The following CNTN3 variants were observed in gnomAD, a reference collection of about 807,000 sequenced individuals.
CNTN3 encodes the protein contactin-3.
A neutral mutation model predicts 119.1 loss-of-function variants in CNTN3; 60 were observed. The ratio of observed to expected loss-of-function variants is 0.50; its 90% confidence interval spans 0.41 to 0.62. The LOEUF (loss-of-function observed/expected upper bound fraction) is 0.62. Ranked by LOEUF, CNTN3 falls within the 20% of genes least tolerant of loss-of-function variation. The pLI, the probability that CNTN3 is intolerant of heterozygous loss-of-function variation, is 0.00. For synonymous variants in CNTN3, 450 were observed against 438.7 expected (o/e 1.03, Z -0.32); for missense variants, 1,101 against 1,242.4 (o/e 0.89, Z 1.71).
At chr3:74,547,570 TC>T (rs1703933235) in intron 1 of CNTN3, among the ~76,000 whole-genome samples, 1 of 152,216 alleles carries the variant, frequency 6.6e-6, no homozygotes, top group South Asian at 2.1e-4. Context: ...AATTTGAGCA[TC>T]TTTTTACACA....
At chr3:74,544,511 C>A (rs59741976) in intron 1 of CNTN3, among the ~76,000 whole-genome samples, 2 of 152,014 alleles carry the variant, frequency 1.3e-5, no homozygotes, top group Non-Finnish European at 2.9e-5. Context: ...CCCTCCTCCC[C>A]ACTTGGACTA....
chr3:74,414,621 C>T (rs773167792), intron 5 of CNTN3, among the ~76,000 whole-genome samples: 40 of 152,058 alleles, frequency 2.6e-4, no homozygotes, highest in Non-Finnish European at 4.7e-4. Flanking sequence ...TAAACAAGCC[C>T]CCTAAATGAG....
intron 4 of CNTN3, among the ~76,000 whole-genome samples, chr3:74,466,175 T>C (rs115588288): frequency 0.024 from 3,645 of 152,102 alleles, 142 homozygotes; most frequent in African/African-American, 0.081. Flanking sequence ...GTGAGTTTAG[T>C]GGGAGGGCAA....
At chr3:74,321,512 T>C (rs571763352) in intron 13 of CNTN3, among the ~76,000 whole-genome samples, 2 of 151,362 alleles carry the variant, frequency 1.3e-5, no homozygotes, top group Admixed American at 6.6e-5. Flanking sequence ...ACTGGAAAAA[T>C]AGAGCAAATC....
chr3:74,409,033 G>T (rs534388825), intron 5 of CNTN3, among the ~76,000 whole-genome samples: 2 of 152,264 alleles, frequency 1.3e-5, no homozygotes, highest in Non-Finnish European at 2.9e-5. Context: ...TCCACGAAGA[G>T]CCTTGCATAT....
At chr3:74,325,656 G>A (rs1190476307) in intron 13 of CNTN3, among the ~76,000 whole-genome samples, 2 of 152,238 alleles carry the variant, frequency 1.3e-5, no homozygotes, top group East Asian at 3.9e-4. Context: ...CAGTAGTAAT[G>A]ACCCAAAAGA....
At chr3:74,381,059 T>C (rs1214394403) in intron 5 of CNTN3, among the ~76,000 whole-genome samples, 2 of 151,262 alleles carry the variant, frequency 1.3e-5, no homozygotes, top group African/African-American at 4.9e-5. Context: ...AATTGTTTTT[T>C]TTTTTCTCTC....
rs140698284 is a variant in CNTN3, at chr3:74,599,780, G to A, written c.-81+14611C>T. ...CCTGACCAAGCCTTCCAACATCAAT[G>A]GGGCAGAGAAGATGCACCCTCTCCC... On this transcript the variant is annotated intron_variant, in intron 1 of 22. Coordinates refer to ENST00000263665, the MANE Select transcript of CNTN3 (RefSeq NM_020872.3). 1.4e-4 allele frequency among the ~76,000 whole-genome samples: 21 copies of A among 152,158 alleles called. 1 individual carries two copies. The highest frequency in any genetic ancestry group is 6.8e-3 in the Middle Eastern group (2 of 294).
chr3:74,590,334 A>T (rs1431332067), intron 1 of CNTN3, among the ~76,000 whole-genome samples: 3 of 152,062 alleles, frequency 2.0e-5, no homozygotes. Context: ...GGAAAAGTAA[A>T]GTAAACATAT....
intron 4 of CNTN3, among the ~76,000 whole-genome samples, chr3:74,451,144 T>C (rs890436826): frequency 1.3e-5 from 2 of 152,090 alleles, no homozygotes; most frequent in African/African-American, 4.8e-5. Context: ...TGTCAAAGTG[T>C]TCCTATTTCT....
intron 11 of CNTN3, among the ~76,000 whole-genome samples, chr3:74,354,751 C>A (rs1240288882): frequency 6.6e-6 from 1 of 151,892 alleles, no homozygotes; most frequent in Non-Finnish European, 1.5e-5. Context: ...AAAAGAAAAA[C>A]CTTTACTCAA....
chr3:74,297,680 T>C (rs1398727030), intron 18 of CNTN3, among the ~76,000 whole-genome samples: 1 of 152,218 alleles, frequency 6.6e-6, no homozygotes, highest in African/African-American at 2.4e-5. Context: ...CTTGCATGAC[T>C]TGGCTTTCAG....
At chr3:74,590,994 T>C (rs990694264) in intron 1 of CNTN3, among the ~76,000 whole-genome samples, 1 of 151,976 alleles carries the variant, frequency 6.6e-6, no homozygotes, top group Non-Finnish European at 1.5e-5. Flanking sequence ...ACTCAGATAT[T>C]TAGCTGACTA....
rs1235062457 is a variant in CNTN3, at chr3:74,396,323, A to T, written c.455-24924T>A. On this transcript the variant is annotated intron_variant, in intron 5 of 22. Coordinates refer to ENST00000263665, the MANE Select transcript of CNTN3 (RefSeq NM_020872.3). ...ATGCAGAAGAAAAGTTCTTGAAGAA[A>T]ATTAAAGGTGCTACTCCAGTAAGCA... Among the ~76,000 whole-genome samples the T allele has an allele frequency of 2.6e-5, 4 of 152,220 alleles. No homozygotes were observed. In the East Asian group the frequency reaches 7.7e-4, roughly 29 times the overall value.
chr3:74,594,273 C>CTTTTTTTTTTTTTTTTTTTTTTTTTTT (rs59436860), intron 1 of CNTN3, among the ~76,000 whole-genome samples: 1 of 112,088 alleles, frequency 8.9e-6, no homozygotes, highest in African/African-American at 3.0e-5. Context: ...TTCTTTTTTT[C>CTTTTTTTTTTTTTTTTTTTTTTTTTTT]TTTTTTTTTT....
At chr3:74,602,757 C>G (rs1704932232) in intron 1 of CNTN3, among the ~76,000 whole-genome samples, 1 of 152,108 alleles carries the variant, frequency 6.6e-6, no homozygotes, top group Non-Finnish European at 1.5e-5. Flanking sequence ...CTTACCTCCC[C>G]TTCCTTAATT....
At chr3:74,507,971 C>T (rs1435928564) in intron 2 of CNTN3, among the ~76,000 whole-genome samples, 1 of 152,126 alleles carries the variant, frequency 6.6e-6, no homozygotes, top group African/African-American at 2.4e-5. Flanking sequence ...TGATTTTATA[C>T]TTCCAGACTA....
At position 74,266,716 on chromosome 3, in the gene CNTN3, T is replaced by C; in HGVS notation, c.2818-67A>G. The C allele has an allele frequency of 2.1e-6, 3 of 1,450,230 alleles. No homozygotes were observed. The East Asian group carries it at 6.9e-5, about 33-fold the overall frequency. 89.8% of individuals were successfully genotyped at this position (1,450,230 alleles called of 1,614,324 possible). A position where few individuals can be genotyped will look rare whatever the true frequency, so the allele number is the denominator to read the frequency against. ...ATTTTTGTTTTCTTCATAGAATTTG[T>C]CTCTCTGAAATTAACTAATTTTGTC... On this transcript the variant is annotated intron_variant, in intron 21 of 22. Transcript: ENST00000263665.
At chr3:74,339,426 A>G (rs1379500923) in intron 11 of CNTN3, among the ~76,000 whole-genome samples, 1 of 152,052 alleles carries the variant, frequency 6.6e-6, no homozygotes, top group Non-Finnish European at 1.5e-5. Flanking sequence ...GGGCCTTTAT[A>G]AAAACTATTT....
Sources: allele counts gnomAD v4.1 joint callset (sites outside exome capture counted in the v4.1 genomes callset), GRCh38; gene constraint gnomAD v4.1.1; transcripts MANE v1.5; gene names NCBI Gene and HGNC (gene_info 2026-07-23, HGNC 2026-07-21).